CDKL4: variants seen among roughly 807,000 people sequenced by gnomAD.
CDKL4 encodes the protein cyclin-dependent kinase-like 4.
Under a neutral mutation model 42.0 loss-of-function variants are expected in CDKL4, and 44 were observed. The ratio of observed to expected loss-of-function variants is 1.05; its 90% confidence interval spans 0.82 to 1.35. CDKL4 has a LOEUF of 1.35. CDKL4 is among the 40% of genes most tolerant of loss of function. CDKL4 has a pLI of 0.00. For synonymous variants in CDKL4, 120 were observed against 121.6 expected, an observed-to-expected ratio of 0.99 and a Z score of 0.09; for missense variants, 393 against 369.9, an observed-to-expected ratio of 1.06 and a Z score of -0.51.
At chr2:39,183,904 G>A (rs956489310) in intron 8 of CDKL4, among the ~76,000 whole-genome samples, 1 of 152,110 alleles carries the variant, frequency 6.6e-6, no homozygotes. Context: ...ACAAAGGCTG[G>A]TCTACAAAAG....
At chr2:39,229,078 G>A (rs1678932694) in intron 2 of CDKL4, among the ~76,000 whole-genome samples, 1 of 152,114 alleles carries the variant, frequency 6.6e-6, no homozygotes, top group Non-Finnish European at 1.5e-5. Context: ...ATATCCAGAG[G>A]AGGGCCAGGG....
chr2:39,243,765 T>C (rs1217621471), intron 1 of CDKL4, among the ~76,000 whole-genome samples, 106 bp downstream of exon 1: 1 of 152,244 alleles, frequency 6.6e-6, no homozygotes, highest in Non-Finnish European at 1.5e-5. Context: ...CGGGGAACTT[T>C]TCTTGGTTCC....
chr2:39,185,427 CATATGTATATATACATGTATATAT>C lies in CDKL4; in HGVS notation c.736-804_736-781del, dbSNP rs1180937014. Among the ~76,000 whole-genome samples, 65 of 10,080 alleles carry C rather than the reference CATATGTATATATACATGTATATAT, an allele frequency of 6.4e-3. 8 individuals carry two copies. Among genetic ancestry groups the C allele is most frequent in the East Asian group, 0.013 (4 of 320 alleles). The allele number at this position is 10,080 out of a possible 152,430, so 6.6% of individuals were successfully genotyped here. ...ATGTGTATATATACATATATATATACATATGTATATATACATGTATATATACATATGTGTATATATATATATATA... is the reference window on the plus strand; with the variant it reads ...ATGTGTATATATACATATATATATACACATATGTGTATATATATATATATA... On this transcript the variant is annotated intron_variant, in intron 7 of 9. Transcript: ENST00000451199.
chr2:39,176,430 ATTAT>A (rs1675168965), intron 9 of CDKL4, among the ~76,000 whole-genome samples: 1 of 152,096 alleles, frequency 6.6e-6, no homozygotes, highest in African/African-American at 2.4e-5. Context: ...CCTCAAAAAA[ATTAT>A]TTGTTTTTTC....
intron 1 of CDKL4, among the ~76,000 whole-genome samples, chr2:39,230,693 A>G (rs891359276): frequency 6.6e-6 from 1 of 152,226 alleles, no homozygotes; most frequent in African/African-American, 2.4e-5. Flanking sequence ...TCTTGTTAAT[A>G]TAACCTAATA....
chr2:39,177,200 T>C (rs750651021), intron 9 of CDKL4, among the ~76,000 whole-genome samples: 5 of 151,978 alleles, frequency 3.3e-5, no homozygotes, highest in East Asian at 3.8e-4. Context: ...GTTGCAGGCA[T>C]TGAAGGAAGG....
At chr2:39,221,001 G>GTTTGT (rs1678311209) in intron 3 of CDKL4, among the ~76,000 whole-genome samples, 1 of 78,804 alleles carries the variant, frequency 1.3e-5, no homozygotes, top group Non-Finnish European at 2.3e-5. Context: ...TTTTTTTTTT[G>GTTTGT]TTTTTTTTTT....
At chr2:39,239,633 T>A (rs528462510) in intron 1 of CDKL4, among the ~76,000 whole-genome samples, 4 of 152,326 alleles carry the variant, frequency 2.6e-5, no homozygotes, top group African/African-American at 7.2e-5. Flanking sequence ...AAGTGTTAAT[T>A]AAAATTGCAA....
At chr2:39,173,916 G>A (rs188198890), downstream of CDKL4, among the ~76,000 whole-genome samples, 286 of 152,046 alleles carry the variant, frequency 1.9e-3, 2 homozygotes, top group South Asian at 4.6e-3. Flanking sequence ...CCAGGAGGTC[G>A]AGGGTGCAGT....
downstream of CDKL4, among the ~76,000 whole-genome samples, chr2:39,172,996 A>G (rs1675043061): frequency 6.6e-6 from 1 of 152,208 alleles, no homozygotes. Context: ...CTGAGGAAAA[A>G]AAAGAGAAAT....
At chr2:39,191,290 T>C (rs553646961) in intron 5 of CDKL4, among the ~76,000 whole-genome samples, 3 of 152,054 alleles carry the variant, frequency 2.0e-5, no homozygotes, top group Non-Finnish European at 4.4e-5. Flanking sequence ...TCCTAGCTAC[T>C]TGAGAAGCTG....
At chr2:39,168,461 C>T in the CDKL4 span, among the ~76,000 whole-genome samples, 4 of 152,090 alleles carry the variant, frequency 2.6e-5, no homozygotes, top group Admixed American at 1.3e-4. Flanking sequence ...CCAGGCCAGG[C>T]GCGGTGGCTT....
chr2:39,185,305 T>C (rs187454573), intron 7 of CDKL4, among the ~76,000 whole-genome samples: 81 of 23,540 alleles, frequency 3.4e-3, no homozygotes, highest in African/African-American at 9.9e-3. Flanking sequence ...TATATACACA[T>C]ATGTATATAT....
chr2:39,208,452 T>C (rs1004147866), intron 4 of CDKL4, among the ~76,000 whole-genome samples: 1 of 148,240 alleles, frequency 6.7e-6, no homozygotes, highest in Non-Finnish European at 1.5e-5. Context: ...GTGACTCTCC[T>C]GCCTCAGCCT....
chr2:39,240,232 A>G (rs2148411278), intron 1 of CDKL4, among the ~76,000 whole-genome samples: 1 of 146,394 alleles, frequency 6.8e-6, no homozygotes, highest in African/African-American at 2.5e-5. Flanking sequence ...CAACATGGTG[A>G]CACCCCGTCT....
rs1675617654 is a variant in CDKL4, at chr2:39,184,635, C to A, written c.748G>T (p.Glu250Ter). 1 of 1,610,960 alleles carries A rather than the reference C, an allele frequency of 6.2e-7. No homozygotes were observed. Among genetic ancestry groups the A allele is most frequent in the Admixed American group, 1.7e-5 (1 of 59,896 alleles). ...ACAGGATGAACATCTGAGAACTTTT[C>A]CTCAAGAGTTTCCTGAAAAACAAGG... Residue 250 changes from glutamate (E) to a stop codon, truncating the protein, a stop_gained, in exon 8 of 10, where the codon GAA (glutamate) becomes TAA (stop). Coordinates refer to ENST00000451199, the Ensembl canonical transcript of CDKL4. LOFTEE classifies it high-confidence loss of function.
At chr2:39,232,094 G>C (rs912013402) in intron 1 of CDKL4, among the ~76,000 whole-genome samples, 4 of 152,110 alleles carry the variant, frequency 2.6e-5, no homozygotes, top group Admixed American at 2.6e-4. Flanking sequence ...TTGATCTATT[G>C]ATGTATGTTT....
At chr2:39,220,162 A>G (rs1457198923) in intron 3 of CDKL4, among the ~76,000 whole-genome samples, 1 of 152,200 alleles carries the variant, frequency 6.6e-6, no homozygotes, top group African/African-American at 2.4e-5. Flanking sequence ...GGAATGTGAC[A>G]CTTGAAAGTA....
intron 5 of CDKL4, among the ~76,000 whole-genome samples, chr2:39,193,534 C>G (rs1460562962): frequency 6.6e-6 from 1 of 151,878 alleles, no homozygotes; most frequent in African/African-American, 2.4e-5. Context: ...CGCCAACATG[C>G]CCGGCTAATT....
Sources: allele counts gnomAD v4.1 joint callset (sites outside exome capture counted in the v4.1 genomes callset), GRCh38; gene constraint gnomAD v4.1.1; transcripts MANE v1.5; gene names NCBI Gene and HGNC (gene_info 2026-07-23, HGNC 2026-07-21).